Variants in AGBL4 observed in about 807,000 individuals in gnomAD.
AGBL4 encodes AGBL carboxypeptidase 4.
In AGBL4, 58 loss-of-function variants were observed where a neutral mutation model predicts 66.4. The ratio of observed to expected loss-of-function variants is 0.87; its 90% CI spans 0.71 to 1.09. The LOEUF (loss-of-function observed/expected upper bound fraction) is 1.09, where lower values mean the gene tolerates loss of function less well. AGBL4 is among the 50% of genes least tolerant of loss of function. AGBL4 has a pLI of 0.00. For missense variants in AGBL4, 579 were observed against 631.0 expected (o/e 0.92, Z 0.88); for synonymous variants, 234 against 222.9 (o/e 1.05, Z -0.44).
At chr1:48,728,079 G>A in intron 6 of AGBL4, 5 of 1,529,684 alleles carry the variant, frequency 3.3e-6, no homozygotes, top group Middle Eastern at 2.1e-4. Context: ...AAGGATTAAT[G>A]GTGAATTCAA....
intron 1 of AGBL4, among the ~76,000 whole-genome samples, chr1:49,962,366 C>T (rs548916598): frequency 2.0e-3 from 299 of 152,208 alleles, no homozygotes; most frequent in Non-Finnish European, 3.5e-3. Context: ...GCTCCAAATT[C>T]CAGTAACAGC....
intron 2 of AGBL4, among the ~76,000 whole-genome samples, chr1:49,804,233 A>T (rs1451115882): frequency 3.3e-5 from 5 of 152,224 alleles, no homozygotes; most frequent in Non-Finnish European, 7.3e-5. Flanking sequence ...TTTGAATGCG[A>T]GGAATGTTTT....
chr1:48,621,188 T>C (rs1316587356), intron 9 of AGBL4, among the ~76,000 whole-genome samples: 1 of 152,100 alleles, frequency 6.6e-6, no homozygotes, highest in East Asian at 1.9e-4. Context: ...AGCCTGAATA[T>C]GGGGAGCCTT....
chr1:48,617,086 AG>A (rs1189273641), intron 9 of AGBL4, among the ~76,000 whole-genome samples: 3 of 152,104 alleles, frequency 2.0e-5, no homozygotes, highest in East Asian at 1.9e-4. Flanking sequence ...AAAAGGAGGG[AG>A]GGGGGAGCTG....
At chr1:49,586,243 G>A (rs1363418311) in intron 3 of AGBL4, among the ~76,000 whole-genome samples, 1 of 152,156 alleles carries the variant, frequency 6.6e-6, no homozygotes, top group Non-Finnish European at 1.5e-5. Flanking sequence ...GGGTTGGTAA[G>A]GAACCTAAGA....
At chr1:49,549,570 T>G (rs1252849334) in intron 3 of AGBL4, among the ~76,000 whole-genome samples, 1 of 152,240 alleles carries the variant, frequency 6.6e-6, no homozygotes, top group Non-Finnish European at 1.5e-5. Flanking sequence ...TTATTTACTT[T>G]CCATGTACTT....
At chr1:49,349,756 C>T (rs1272366360) in intron 3 of AGBL4, among the ~76,000 whole-genome samples, 2 of 152,022 alleles carry the variant, frequency 1.3e-5, no homozygotes. Context: ...TATCTCAGAA[C>T]GTGGCTATAT....
At chr1:48,643,245 A>G (rs756852141) in intron 8 of AGBL4, among the ~76,000 whole-genome samples, 7 of 152,154 alleles carry the variant, frequency 4.6e-5, no homozygotes, top group Admixed American at 2.6e-4. Flanking sequence ...AGGGCCTGTG[A>G]GCTAATAACA....
chr1:49,755,516 T>C (rs1379937440), intron 2 of AGBL4, among the ~76,000 whole-genome samples: 2 of 152,184 alleles, frequency 1.3e-5, no homozygotes, highest in African/African-American at 4.8e-5. Flanking sequence ...AAACTAACTC[T>C]AATGGATTCA....
intron 1 of AGBL4, among the ~76,000 whole-genome samples, chr1:49,903,389 A>T (rs1275910916): frequency 2.0e-5 from 3 of 152,248 alleles, no homozygotes; most frequent in East Asian, 3.9e-4. Context: ...ATCAGAAAAA[A>T]TACCTATTGG....
chr1:50,020,751 G>A (rs566300998), intron 1 of AGBL4, among the ~76,000 whole-genome samples: 2 of 152,172 alleles, frequency 1.3e-5, no homozygotes, highest in Non-Finnish European at 2.9e-5. Context: ...ATAAAACATA[G>A]AGAATACCTT....
rs187259158 is a variant in AGBL4 at position 49,330,533 on chromosome 1, C to T, written c.283-84669G>A. 2.3e-3 allele frequency among the ~76,000 whole-genome samples: 343 copies of T among 152,280 alleles called. 3 individuals carry two copies. The highest frequency in any genetic ancestry group is 3.9e-3 in the Non-Finnish European group (265 of 68,008). On this transcript the variant is annotated intron_variant, in intron 3 of 13. Coordinates refer to ENST00000371839, the MANE Select transcript of AGBL4 (RefSeq NM_032785.4). ...CTTTTAGGCTCCAAGTCTAATAATGCTATTTAGCATTTCTATAGTATTTAA... is the reference window on the plus strand; with the variant it reads ...CTTTTAGGCTCCAAGTCTAATAATGTTATTTAGCATTTCTATAGTATTTAA...
chr1:48,904,060 C>T (rs1652349666), intron 5 of AGBL4, among the ~76,000 whole-genome samples: 1 of 152,116 alleles, frequency 6.6e-6, no homozygotes, highest in Non-Finnish European at 1.5e-5. Flanking sequence ...GGGTGGATCA[C>T]CTGAGGTTAG....
At chr1:48,891,108 A>T (rs1362154368) in intron 5 of AGBL4, among the ~76,000 whole-genome samples, 1 of 152,238 alleles carries the variant, frequency 6.6e-6, no homozygotes. Flanking sequence ...TACATTTCTT[A>T]CATTACTGAG....
intron 3 of AGBL4, among the ~76,000 whole-genome samples, chr1:49,467,063 G>A (rs955054452): frequency 6.6e-6 from 1 of 151,844 alleles, no homozygotes; most frequent in African/African-American, 2.4e-5. Flanking sequence ...GGATGTGCTA[G>A]GGTGGAAGGA....
At chr1:49,396,072 G>T (rs544845798) in intron 3 of AGBL4, among the ~76,000 whole-genome samples, 12 of 151,414 alleles carry the variant, frequency 7.9e-5, no homozygotes, top group Non-Finnish European at 1.3e-4. Context: ...TCCTTGTGCT[G>T]CATCAGAGTT....
chr1:49,472,692 G>A (rs1327480267), intron 3 of AGBL4, among the ~76,000 whole-genome samples: 2 of 151,924 alleles, frequency 1.3e-5, no homozygotes, highest in Non-Finnish European at 2.9e-5. Flanking sequence ...TTAGATTCAG[G>A]GGTACATGTG....
chr1:48,988,707 TC>T (rs1660372834), intron 5 of AGBL4, among the ~76,000 whole-genome samples: 1 of 152,038 alleles, frequency 6.6e-6, no homozygotes, highest in Non-Finnish European at 1.5e-5. Flanking sequence ...CGATAAAGTG[TC>T]AGATAAAGGA....
intron 6 of AGBL4, among the ~76,000 whole-genome samples, chr1:48,774,025 G>T (rs1644960016): frequency 6.6e-6 from 1 of 152,214 alleles, no homozygotes; most frequent in African/African-American, 2.4e-5. Context: ...AGTATAAAAA[G>T]AAGTATACTT....
Sources: allele counts gnomAD v4.1 joint callset (sites outside exome capture counted in the v4.1 genomes callset), GRCh38; gene constraint gnomAD v4.1.1; transcripts MANE v1.5; gene names NCBI Gene and HGNC (gene_info 2026-07-23, HGNC 2026-07-21).